TAFA5: variants seen among roughly 807,000 people sequenced by gnomAD.
TAFA5 encodes the protein chemokine-like protein TAFA-5.
Under a neutral mutation model 15.3 loss-of-function variants are expected in TAFA5, and 6 were observed. The observed-to-expected ratio is 0.39, with a 90% CI of 0.21 to 0.77. The LOEUF is 0.77. TAFA5 is among the 30% of genes least tolerant of loss of function. The pLI is 0.41. For missense variants in TAFA5, 161 were observed against 193.1 expected (o/e 0.83, Z 0.98); for synonymous variants, 103 against 80.7 (o/e 1.28, Z -1.48).
At position 48,597,691 on chromosome 22, in the gene TAFA5, G is replaced by C. The variant is rs183239997; in HGVS notation, c.113-48906G>C. ...ATCTGCACCTCAGCTTCCGGTTCTT[G>C]GCTGAGTCTGACTTCATCATGCCCT... On this transcript the variant is annotated intron_variant, in intron 1 of 3. Coordinates refer to ENST00000402357, the MANE Select transcript of TAFA5 (RefSeq NM_001082967.3). 2.6e-5 allele frequency among the ~76,000 whole-genome samples: 4 copies of C among 152,374 alleles called. No individual in the cohort carries two copies. The East Asian group carries it at 7.7e-4, about 29-fold the overall frequency.
intron 3 of TAFA5, among the ~76,000 whole-genome samples, chr22:48,748,517 G>A (rs1200160305): frequency 5.9e-5 from 9 of 152,204 alleles, no homozygotes; most frequent in Non-Finnish European, 1.2e-4. Flanking sequence ...TTGGGAAGGC[G>A]TCTGAGGCTC....
chr22:48,719,549 G>A (rs1472249741), intron 3 of TAFA5, among the ~76,000 whole-genome samples: 1 of 151,110 alleles, frequency 6.6e-6, no homozygotes. Flanking sequence ...GAGCAGGGTG[G>A]TGGTGGGCCG....
chr22:48,537,203 C>T (rs991390938), intron 1 of TAFA5, among the ~76,000 whole-genome samples: 1 of 88,272 alleles, frequency 1.1e-5, no homozygotes, highest in Non-Finnish European at 2.2e-5. Context: ...TTGAGACACC[C>T]GGGGTGGGGG....
intron 3 of TAFA5, among the ~76,000 whole-genome samples, chr22:48,730,724 C>T (rs1369422313): frequency 2.0e-5 from 3 of 152,164 alleles, no homozygotes; most frequent in Admixed American, 6.5e-5. Flanking sequence ...CACCACAAAC[C>T]ATGCCCGTGT....
intron 1 of TAFA5, among the ~76,000 whole-genome samples, chr22:48,579,506 C>G (rs1601591629): frequency 6.6e-6 from 1 of 152,332 alleles, no homozygotes; most frequent in South Asian, 2.1e-4. Context: ...GATGGAAGAG[C>G]CGGCCGCTTC....
At chr22:48,593,230 T>G (rs936420835) in intron 1 of TAFA5, among the ~76,000 whole-genome samples, 1 of 152,006 alleles carries the variant, frequency 6.6e-6, no homozygotes. Flanking sequence ...AGCAGCCTGG[T>G]GTATAAAGCG....
At chr22:48,519,399 C>T (rs530294398) in intron 1 of TAFA5, among the ~76,000 whole-genome samples, 2 of 152,380 alleles carry the variant, frequency 1.3e-5, no homozygotes, top group African/African-American at 2.4e-5. Flanking sequence ...TTCTCAGACT[C>T]AGAATCGGAG....
intron 1 of TAFA5, among the ~76,000 whole-genome samples, chr22:48,594,369 A>C (rs535816742): frequency 3.5e-4 from 53 of 152,302 alleles, no homozygotes; most frequent in Non-Finnish European, 6.9e-4. Context: ...CTGTTAGTGC[A>C]TTCTGAGCAC....
At chr22:48,576,144 G>A (rs1179449184) in intron 1 of TAFA5, among the ~76,000 whole-genome samples, 1 of 144,324 alleles carries the variant, frequency 6.9e-6, no homozygotes, top group African/African-American at 2.5e-5. Context: ...TGATTCATGG[G>A]GCCGCGGCGG....
intron 1 of TAFA5, among the ~76,000 whole-genome samples, chr22:48,633,805 A>G (rs1926334853): frequency 6.6e-6 from 1 of 152,212 alleles, no homozygotes; most frequent in African/African-American, 2.4e-5. Flanking sequence ...AGGATATGGG[A>G]GGAAGCCAGA....
chr22:48,555,592 A>G (rs768523644), intron 1 of TAFA5, among the ~76,000 whole-genome samples: 4 of 152,054 alleles, frequency 2.6e-5, no homozygotes, highest in Non-Finnish European at 4.4e-5. Flanking sequence ...CCGCAAACCC[A>G]CTGAACACTG....
intron 2 of TAFA5, among the ~76,000 whole-genome samples, chr22:48,682,200 G>T (rs933788363): frequency 6.6e-6 from 1 of 152,152 alleles, no homozygotes; most frequent in Non-Finnish European, 1.5e-5. Flanking sequence ...CCAGCAGCTG[G>T]CAGGAATGCC....
chr22:48,641,267 C>A (rs1926666276), intron 1 of TAFA5, among the ~76,000 whole-genome samples: 1 of 152,120 alleles, frequency 6.6e-6, no homozygotes, highest in African/African-American at 2.4e-5. Flanking sequence ...AAGGGGGTCT[C>A]TGTGAAATGA....
intron 1 of TAFA5, among the ~76,000 whole-genome samples, chr22:48,512,978 G>A (rs1174461421): frequency 4.7e-5 from 7 of 149,410 alleles, no homozygotes; most frequent in South Asian, 4.3e-4. Context: ...AAAAGAAGAG[G>A]AAAGTAACAA....
At chr22:48,524,530 G>A (rs992035351) in intron 1 of TAFA5, among the ~76,000 whole-genome samples, 9 of 152,324 alleles carry the variant, frequency 5.9e-5, no homozygotes, top group African/African-American at 9.6e-5. Context: ...CCTGAGATGC[G>A]GAAGAGGCAT....
intron 1 of TAFA5, among the ~76,000 whole-genome samples, chr22:48,639,475 G>T (rs935013882): frequency 2.0e-5 from 3 of 152,306 alleles, no homozygotes; most frequent in Admixed American, 6.5e-5. Context: ...CGGTTTGTGG[G>T]TCTGCGCCCC....
At chr22:48,608,960 G>C (rs191718324) in intron 1 of TAFA5, among the ~76,000 whole-genome samples, 1 of 152,334 alleles carries the variant, frequency 6.6e-6, no homozygotes, top group East Asian at 1.9e-4. Flanking sequence ...ACTGGACATT[G>C]GACATTCCTG....
In TAFA5 at chr22:48,681,667, G is replaced by GAA. The variant is rs1569077091; in HGVS notation, c.263-26047_263-26046dup. Among the ~76,000 whole-genome samples the GAA allele has an allele frequency of 1.8e-4, 25 of 137,954 alleles. No individual in the cohort carries two copies. In the South Asian group the frequency reaches 3.0e-3, roughly 17 times the overall value. The allele number at this position is 137,954 out of a possible 152,430, so 90.5% of individuals were successfully genotyped here. ...CTCCATCTCCAAAAAAAAAAAAAAA[G>GAA]AAAAGAAAAAAGAAAAAAACAGAGG... On this transcript the variant is annotated intron_variant, in intron 2 of 3. Coordinates refer to ENST00000402357, the MANE Select transcript of TAFA5 (RefSeq NM_001082967.3).
At chr22:48,744,727 C>T (rs1043372629) in intron 3 of TAFA5, among the ~76,000 whole-genome samples, 5 of 152,168 alleles carry the variant, frequency 3.3e-5, no homozygotes, top group Non-Finnish European at 5.9e-5. Flanking sequence ...CTTCCGCAGC[C>T]CTGGGAGGCA....
Sources: allele counts gnomAD v4.1 joint callset (sites outside exome capture counted in the v4.1 genomes callset), GRCh38; gene constraint gnomAD v4.1.1; transcripts MANE v1.5; gene names NCBI Gene and HGNC (gene_info 2026-07-23, HGNC 2026-07-21).